HMGCLL1: variants seen among roughly 807,000 people sequenced by gnomAD.
The protein encoded by HMGCLL1 is 3-hydroxy-3-methylglutaryl-CoA lyase like 1, also known as 3-hydroxymethyl-3-methylglutaryl-CoA lyase, cytoplasmic.
HMGCLL1 carries 36 observed loss-of-function variants against 39.1 expected under a neutral mutation model. The observed-to-expected ratio is 0.92, with a 90% CI of 0.71 to 1.22. HMGCLL1 has a LOEUF of 1.22. Ranked by LOEUF, HMGCLL1 falls within the 50% of genes most tolerant of loss-of-function variation. The probability of loss-of-function intolerance (pLI) is 0.00; values close to 1 mark genes in which losing one functional copy is unlikely to be tolerated. For missense variants in HMGCLL1, 451 were observed against 416.5 expected (o/e 1.08, Z -0.72); for synonymous variants, 149 against 144.0 (o/e 1.03, Z -0.25).
At chr6:55,577,231 A>G (rs1423827547) in intron 1 of HMGCLL1, 13 of 1,495,242 alleles carry the variant, frequency 8.7e-6, no homozygotes, top group Admixed American at 4.2e-5. Context: ...TTCAATTACG[A>G]TAAGATAGAA....
intron 5 of HMGCLL1, among the ~76,000 whole-genome samples, chr6:55,501,303 C>T (rs1252524033): frequency 1.3e-5 from 2 of 151,874 alleles, no homozygotes; most frequent in Non-Finnish European, 2.9e-5. Context: ...CTGCCTATTA[C>T]TCTTTTAATA....
At chr6:55,501,724 C>A (rs989671407) in intron 5 of HMGCLL1, among the ~76,000 whole-genome samples, 13 of 151,842 alleles carry the variant, frequency 8.6e-5, no homozygotes, top group African/African-American at 2.9e-4. Context: ...TGAAATCCAA[C>A]CACCAAGATA....
At chr6:55,549,883 C>T (rs1770226568) in intron 1 of HMGCLL1, among the ~76,000 whole-genome samples, 1 of 151,864 alleles carries the variant, frequency 6.6e-6, no homozygotes, top group Non-Finnish European at 1.5e-5. Context: ...AGTAAGACTA[C>T]TCAGTCATCC....
chr6:55,651,674 C>G, the HMGCLL1 span, among the ~76,000 whole-genome samples: 7 of 152,120 alleles, frequency 4.6e-5, no homozygotes, highest in Non-Finnish European at 8.8e-5. Flanking sequence ...GAATTGTAGT[C>G]CTTGTGACCT....
chr6:55,566,645 T>C (rs998869826), intron 1 of HMGCLL1: 3 of 455,998 alleles, frequency 6.6e-6, no homozygotes, highest in African/African-American at 6.0e-5. Flanking sequence ...AATAGAGTCA[T>C]GTGAACATGC....
At chr6:55,543,291 T>G (rs1329546949) in intron 1 of HMGCLL1, among the ~76,000 whole-genome samples, 1 of 15,052 alleles carries the variant, frequency 6.6e-5, no homozygotes, top group South Asian at 2.6e-3. Context: ...TATAATATAT[T>G]ATATATCATA....
chr6:55,524,797 C>T (rs968855286), intron 3 of HMGCLL1, among the ~76,000 whole-genome samples: 2 of 151,810 alleles, frequency 1.3e-5, no homozygotes, highest in Admixed American at 6.6e-5. Flanking sequence ...TTTCCTGGTT[C>T]CAGTGTTTGT....
intron 7 of HMGCLL1, among the ~76,000 whole-genome samples, chr6:55,482,667 T>G (rs2127414288): frequency 6.6e-6 from 1 of 152,258 alleles, no homozygotes; most frequent in East Asian, 1.9e-4. Flanking sequence ...TTTACTGAAC[T>G]GAAAACATTT....
At chr6:55,451,454 C>G (rs926117742) in intron 7 of HMGCLL1, among the ~76,000 whole-genome samples, 4 of 152,102 alleles carry the variant, frequency 2.6e-5, no homozygotes, top group Non-Finnish European at 5.9e-5. Flanking sequence ...AAAACCCCGT[C>G]TCCACTAAAA....
chr6:55,506,394 G>A (rs1767163766), intron 5 of HMGCLL1, among the ~76,000 whole-genome samples: 1 of 82,966 alleles, frequency 1.2e-5, no homozygotes, highest in South Asian at 3.3e-4. Context: ...GCCCCACCCA[G>A]AGCCACGTGG....
At chr6:55,551,007 C>T (rs1385490920) in intron 1 of HMGCLL1, among the ~76,000 whole-genome samples, 1 of 150,540 alleles carries the variant, frequency 6.6e-6, no homozygotes, top group East Asian at 1.9e-4. Flanking sequence ...AGTCATGATC[C>T]CTTGCCTAGT....
chr6:55,578,894 C>G (rs1335998736), intron 1 of HMGCLL1, 54 bp downstream of exon 1: 2 of 1,323,534 alleles, frequency 1.5e-6, no homozygotes, highest in African/African-American at 1.5e-5. Flanking sequence ...GGGAGAGAGG[C>G]TGGCTGTCAG....
the HMGCLL1 span, among the ~76,000 whole-genome samples, chr6:55,666,397 G>A: frequency 6.6e-6 from 1 of 151,586 alleles, no homozygotes; most frequent in Non-Finnish European, 1.5e-5. Flanking sequence ...TGTACTTTGT[G>A]AAGTGCCCGA....
intron 5 of HMGCLL1, among the ~76,000 whole-genome samples, chr6:55,510,260 A>C (rs1248252566): frequency 6.6e-6 from 1 of 151,910 alleles, no homozygotes; most frequent in Non-Finnish European, 1.5e-5. Flanking sequence ...TAATTATGTA[A>C]AGAAACTTTC....
At chr6:55,597,979 G>A in the HMGCLL1 span, among the ~76,000 whole-genome samples, 28 of 152,228 alleles carry the variant, frequency 1.8e-4, no homozygotes, top group South Asian at 4.1e-4. Flanking sequence ...ACTGGTCTGC[G>A]TGGCTAAAAG....
At chr6:55,629,820 G>T in the HMGCLL1 span, among the ~76,000 whole-genome samples, 1 of 152,150 alleles carries the variant, frequency 6.6e-6, no homozygotes, top group East Asian at 1.9e-4. Flanking sequence ...ATGATGTTGA[G>T]CCTGTGAGTG....
At chr6:55,572,200 G>A (rs1581964800) in intron 1 of HMGCLL1, among the ~76,000 whole-genome samples, 1 of 151,700 alleles carries the variant, frequency 6.6e-6, no homozygotes, top group South Asian at 2.1e-4. Flanking sequence ...GAAAGAGAAT[G>A]TACCCATATC....
the HMGCLL1 span, among the ~76,000 whole-genome samples, chr6:55,666,620 T>C: frequency 2.0e-5 from 3 of 151,746 alleles, no homozygotes; most frequent in African/African-American, 7.2e-5. Context: ...TTTACTCTAA[T>C]ATTTTCTAGC....
At chr6:55,678,520 T>C in the HMGCLL1 span, among the ~76,000 whole-genome samples, 3 of 152,078 alleles carry the variant, frequency 2.0e-5, no homozygotes, top group Non-Finnish European at 4.4e-5. Flanking sequence ...GTACAATGCC[T>C]ACGAAGTCTG....
Sources: allele counts gnomAD v4.1 joint callset (sites outside exome capture counted in the v4.1 genomes callset), GRCh38; gene constraint gnomAD v4.1.1; transcripts MANE v1.5; gene names NCBI Gene and HGNC (gene_info 2026-07-23, HGNC 2026-07-21).